The following TRAPPC6A variants were observed in gnomAD, a reference collection of about 807,000 sequenced individuals.
TRAPPC6A encodes trafficking protein particle complex subunit 6A.
TRAPPC6A carries 25 observed loss-of-function variants against 20.8 expected under a neutral mutation model. The ratio of observed to expected loss-of-function variants is 1.20; its 90% CI spans 0.88 to 1.68. The LOEUF is 1.68. Ranked by LOEUF, TRAPPC6A falls within the 40% of genes most tolerant of loss-of-function variation. The pLI is 0.00. For synonymous variants in TRAPPC6A, 96 were observed against 93.3 expected (o/e 1.03, Z -0.16); for missense variants, 215 against 211.6 (o/e 1.02, Z -0.10).
intron 2 of TRAPPC6A, 29 bp from the exon 3 acceptor site, chr19:45,164,999 TGGGGCCAGGCCAGGAA>T (rs1969117439): frequency 6.2e-6 from 10 of 1,612,142 alleles, no homozygotes; most frequent in Non-Finnish European, 8.5e-6. Flanking sequence ...GCTGAGGCCG[TGGGGCCAGGCCAGGAA>T]GAGGGAGGAA....
chr19:45,164,002 G>A lies in TRAPPC6A; in HGVS notation c.362C>T (p.Ala121Val), dbSNP rs556143876. Reference sequence around the variant, plus strand: ...GCCGCGCAGGAGGCCGCAGGTGAAGGCCAGGAACTGAGGAGGGAACACAGA... The same window carrying A: ...GCCGCGCAGGAGGCCGCAGGTGAAGACCAGGAACTGAGGAGGGAACACAGA... The part of the protein sequence containing the change: ...QYLEEAPKFL[A>V]FTCGLLRGAL... The change falls in exon 5 of 6, where the codon GCC (alanine) becomes GTC (valine). Residue 121 changes from alanine to valine, a missense_variant. Physicochemically the swap from Ala to Val is moderately conservative, Grantham distance 64. Coordinates refer to ENST00000585934, the MANE Select transcript of TRAPPC6A (RefSeq NM_001270891.2). The A allele has an allele frequency of 3.8e-6, 6 of 1,572,206 alleles. No individual in the cohort carries two copies. The highest frequency in any genetic ancestry group is 2.3e-5 in the South Asian group (2 of 85,506).
intron 4 of TRAPPC6A, 47 bp downstream of exon 4, chr19:45,164,117 A>G: frequency 6.4e-7 from 1 of 1,564,992 alleles, no homozygotes; most frequent in East Asian, 2.3e-5. Flanking sequence ...GGGGCTGGGT[A>G]AACAGGAGGA....
intron 1 of TRAPPC6A, among the ~76,000 whole-genome samples, chr19:45,170,711 G>GTACC (rs1302750734): frequency 6.6e-6 from 1 of 152,230 alleles, no homozygotes; most frequent in Non-Finnish European, 1.5e-5. Context: ...GCTAATGGCA[G>GTACC]TACCTGCTCA....
rs1489918655 is a variant in TRAPPC6A, at chr19:45,174,570, C to G, written c.84+3565G>C. ...GGGCGTGCTGGCTCACACCTGTAAT[C>G]CCAGGTGTGAGTTTTTGGGAGGCTG... On this transcript the variant is annotated intron_variant, in intron 1 of 5. Coordinates refer to ENST00000585934, the MANE Select transcript of TRAPPC6A (RefSeq NM_001270891.2). Among the ~76,000 whole-genome samples, 7 of 152,186 alleles carry G rather than the reference C, an allele frequency of 4.6e-5. No homozygotes were observed. In the East Asian group the frequency reaches 1.2e-3, roughly 25 times the overall value.
rs1969442228 is a variant in TRAPPC6A, at chr19:45,178,214, G to T, written c.5C>A (p.Ala2Glu). 2 of 1,595,724 alleles carry T rather than the reference G, an allele frequency of 1.3e-6. No homozygotes were observed. Among genetic ancestry groups the T allele is most frequent in the African/African-American group, 2.7e-5 (2 of 74,304 alleles). The change falls in exon 1 of 6, where the codon GCG (alanine) becomes GAG (glutamate). Residue 2 changes from alanine (A) to glutamate (E), a missense_variant. Physicochemically the swap from Ala to Glu is moderately radical, Grantham distance 107 (BLOSUM62 -1). Transcript: ENST00000585934. M[A>E]DTVLFEFLHT... Reference sequence around the variant, plus strand: ...AAGAAACTCAAACAACACAGTATCCGCCATGCCCCCTCCTCGCACGCCTAA... The same window carrying T: ...AAGAAACTCAAACAACACAGTATCCTCCATGCCCCCTCCTCGCACGCCTAA...
At position 45,173,673 on chromosome 19, in the gene TRAPPC6A, C is replaced by A. The variant is rs2076979377; in HGVS notation, c.84+4462G>T. 1.3e-5 allele frequency among the ~76,000 whole-genome samples: 2 copies of A among 152,194 alleles called. No individual in the cohort carries two copies. The highest frequency in any genetic ancestry group is 1.3e-4 in the Admixed American group (2 of 15,280). On this transcript the variant is annotated intron_variant, in intron 1 of 5. Coordinates refer to ENST00000585934, the MANE Select transcript of TRAPPC6A (RefSeq NM_001270891.2). The surrounding 1 kb of genome is among the most constrained non-coding windows in gnomAD (Gnocchi z 4.8). Reference sequence around the variant, plus strand: ...GGAGGCCTGTCTGGTTCAGAGGAACCCTTTTGGGCCAAAGAGAAGGAATGG... The same window carrying A: ...GGAGGCCTGTCTGGTTCAGAGGAACACTTTTGGGCCAAAGAGAAGGAATGG...
At position 45,163,766 on chromosome 19, in the gene TRAPPC6A, G is replaced by A. The variant is rs1969068863; in HGVS notation, c.448+150C>T. The A allele has an allele frequency of 2.3e-5, 16 of 683,162 alleles. No individual in the cohort carries two copies. In the Admixed American group the frequency reaches 4.6e-4, roughly 20 times the overall value. 42.3% of individuals were successfully genotyped at this position (683,162 alleles called of 1,614,324 possible). On this transcript the variant is annotated intron_variant, in intron 5 of 5. Transcript: ENST00000585934. This position sits in a 1 kb window ranked among gnomAD's most constrained non-coding sequence, Gnocchi z 5.3. ...GGCTGGCGACGTCACGGAGCCAGGG[G>A]CACAGATGGGCCTGCACCAGCCGTG... is the stretch of plus-strand genomic sequence containing the variant.
At chr19:45,175,406 G>A (rs1426192928) in intron 1 of TRAPPC6A, among the ~76,000 whole-genome samples, 4 of 148,758 alleles carry the variant, frequency 2.7e-5, no homozygotes, top group Admixed American at 6.7e-5. Flanking sequence ...CAGCCTGGGC[G>A]ACAGAGCGAG....
At chr19:45,176,097 A>G (rs1474605148) in intron 1 of TRAPPC6A, among the ~76,000 whole-genome samples, 1 of 151,776 alleles carries the variant, frequency 6.6e-6, no homozygotes, top group Non-Finnish European at 1.5e-5. Context: ...GGCCCAGGCA[A>G]TCCTCCCACC....
intron 1 of TRAPPC6A, among the ~76,000 whole-genome samples, chr19:45,168,489 C>T (rs975476996): frequency 2.6e-5 from 4 of 152,306 alleles, no homozygotes; most frequent in African/African-American, 7.2e-5. Flanking sequence ...ACTGGGCCCA[C>T]GGAGACCCGG....
intron 1 of TRAPPC6A, among the ~76,000 whole-genome samples, chr19:45,165,535 C>T (rs958006430): frequency 3.3e-5 from 5 of 152,240 alleles, no homozygotes; most frequent in African/African-American, 1.2e-4. Context: ...ACAGGCTGCA[C>T]GTGCTTTCAG....
chr19:45,164,087 G>A (rs1319234849), intron 4 of TRAPPC6A, 77 bp downstream of exon 4: 3 of 1,546,582 alleles, frequency 1.9e-6, no homozygotes, highest in Admixed American at 1.9e-5. Context: ...TTAGGCCTGG[G>A]GAAAGGCCTG....
chr19:45,168,113 C>T (rs1355217853), intron 1 of TRAPPC6A, among the ~76,000 whole-genome samples: 1 of 151,034 alleles, frequency 6.6e-6, no homozygotes, highest in Admixed American at 6.6e-5. Flanking sequence ...CGCCATTCTC[C>T]TGCCTCAGCC....
At position 45,164,897 on chromosome 19, in the gene TRAPPC6A, C is replaced by A; in HGVS notation, c.226G>T (p.Ala76Ser). ...CTGTCCATCTGCTTCTGGAACACCGCCACCCACAGGTCTTTGCACAAGAAC... is the reference window on the plus strand; with the variant it reads ...CTGTCCATCTGCTTCTGGAACACCGACACCCACAGGTCTTTGCACAAGAAC... The part of the protein sequence containing the change: ...LKFLCKDLWV[A>S]VFQKQMDSLR... Residue 76 changes from alanine (A) to serine (S), a missense_variant, in exon 3 of 6, where the codon GCG becomes TCG. By Grantham distance (99) the Ala-to-Ser change is moderately conservative. Transcript: ENST00000585934. The A allele has an allele frequency of 1.2e-6, 2 of 1,614,122 alleles. No homozygotes were observed. Among genetic ancestry groups the A allele is most frequent in the African/African-American group, 2.7e-5 (2 of 75,056 alleles).
At chr19:45,178,010 C>G in intron 1 of TRAPPC6A, 125 bp downstream of exon 1, 1 of 1,520,968 alleles carries the variant, frequency 6.6e-7, no homozygotes, top group Non-Finnish European at 8.8e-7. Flanking sequence ...AAGCCAGGGC[C>G]AGACGTTGCC....
Position 45,163,557 on chromosome 19 carries a change from G to C in TRAPPC6A, c.449-334C>G, listed in dbSNP as rs1969062415. Among the ~76,000 whole-genome samples the C allele has an allele frequency of 6.6e-6, 1 of 152,086 alleles. No homozygotes were observed. The highest frequency in any genetic ancestry group is 1.5e-5 in the Non-Finnish European group (1 of 67,986). ...GGTGGGGGAGGTGGTGGGGCAGGCT[G>C]TCCCCAGGCAGGAATGGGGCTCCAG... On this transcript the variant is annotated intron_variant, in intron 5 of 5. Coordinates refer to ENST00000585934, the MANE Select transcript of TRAPPC6A (RefSeq NM_001270891.2). The surrounding 1 kb of genome is among the most constrained non-coding windows in gnomAD (Gnocchi z 5.3).
intron 1 of TRAPPC6A, among the ~76,000 whole-genome samples, chr19:45,176,308 A>AC (rs1969372869): frequency 6.7e-6 from 1 of 148,340 alleles, no homozygotes; most frequent in African/African-American, 2.5e-5. Context: ...AAAAAAAAAA[A>AC]ACAAAATTAG....
chr19:45,176,434 A>G (rs911005106), intron 1 of TRAPPC6A, among the ~76,000 whole-genome samples: 2 of 152,090 alleles, frequency 1.3e-5, no homozygotes, highest in African/African-American at 4.8e-5. Context: ...ACTGCACTCC[A>G]GCCTGGGCGA....
intron 1 of TRAPPC6A, among the ~76,000 whole-genome samples, chr19:45,171,905 C>T (rs1049019575): frequency 6.6e-6 from 1 of 152,250 alleles, no homozygotes; most frequent in African/African-American, 2.4e-5. Context: ...AGCTCCTGGT[C>T]TCAGACAATG....
Sources: gnomAD v4.1 joint callset for allele counts (sites outside exome capture counted in the v4.1 genomes callset) on GRCh38, gnomAD v4.1.1 for gene constraint, Gnocchi (gnomAD v3.1) non-coding constraint, MANE v1.5 for transcripts, NCBI Gene and HGNC (gene_info 2026-07-23, HGNC 2026-07-21) for gene names.